PTPRT: variants seen among roughly 807,000 people sequenced by gnomAD.
The protein encoded by PTPRT is receptor-type tyrosine-protein phosphatase T.
A neutral mutation model predicts 176.8 loss-of-function variants in PTPRT; 56 were observed. The observed-to-expected ratio is 0.32, with a 90% confidence interval of 0.26 to 0.40. The LOEUF is 0.40. Among genes scored for constraint, PTPRT ranks in the 10% least tolerant of loss-of-function variants. The pLI, the probability that PTPRT is intolerant of heterozygous loss-of-function variation, is 1.00. For synonymous variants in PTPRT, 783 were observed against 739.0 expected (o/e 1.06, Z -0.96); for missense variants, 1,540 against 1,908.2 (o/e 0.81, Z 3.60).
intron 1 of PTPRT, among the ~76,000 whole-genome samples, chr20:42,991,484 C>T (rs1379762670): frequency 3.3e-5 from 5 of 151,590 alleles, no homozygotes; most frequent in African/African-American, 4.8e-5. Flanking sequence ...TGTATGATTC[C>T]ACTTCCATGA....
At chr20:43,127,103 A>G (rs1005557131) in intron 1 of PTPRT, among the ~76,000 whole-genome samples, 9 of 152,034 alleles carry the variant, frequency 5.9e-5, no homozygotes, top group Admixed American at 4.6e-4. Flanking sequence ...ATTCCTCCTA[A>G]TCCCTAAACA....
intron 15 of PTPRT, among the ~76,000 whole-genome samples, chr20:42,213,529 A>G (rs2055696230): frequency 6.6e-6 from 1 of 152,236 alleles, no homozygotes; most frequent in Non-Finnish European, 1.5e-5. Context: ...GTCCTAATCC[A>G]TAGTACCTGT....
intron 1 of PTPRT, among the ~76,000 whole-genome samples, chr20:43,074,069 T>C (rs1452400382): frequency 6.6e-6 from 1 of 152,174 alleles, no homozygotes; most frequent in Non-Finnish European, 1.5e-5. Context: ...GTGCTTTATA[T>C]ACAAACATAT....
rs540825235 is a variant in PTPRT, at chr20:42,791,131, G to A, written c.486+64C>T. 4.5e-5 allele frequency: 68 copies of A among 1,508,174 alleles called. No individual in the cohort carries two copies. The Middle Eastern group carries it at 1.8e-3, about 40-fold the overall frequency. The allele number at this position is 1,508,174 out of a possible 1,614,324, so 93.4% of individuals were successfully genotyped here. A position where few individuals can be genotyped will look rare whatever the true frequency, so the allele number is the denominator to read the frequency against. On this transcript the variant is annotated intron_variant, in intron 3 of 30. Coordinates refer to ENST00000373187, the MANE Select transcript of PTPRT (RefSeq NM_007050.6). ...CCTTTCTAGACCTAGCACCTGTAGG[G>A]AGAGCAAAGGTGTATAGATTTATTA...
chr20:42,690,541 A>G (rs914108350), intron 6 of PTPRT, among the ~76,000 whole-genome samples: 1 of 152,178 alleles, frequency 6.6e-6, no homozygotes, highest in Non-Finnish European at 1.5e-5. Flanking sequence ...CTAGTGTTCA[A>G]CATGCTGGGT....
intron 27 of PTPRT, among the ~76,000 whole-genome samples, chr20:42,086,751 A>ATATATAT (rs58059394): frequency 4.1e-5 from 4 of 96,564 alleles, no homozygotes; most frequent in South Asian, 3.7e-4. Context: ...AAAAAAAAAA[A>ATATATAT]AAATATATAT....
At chr20:43,167,432 A>G (rs576378542) in intron 1 of PTPRT, among the ~76,000 whole-genome samples, 1 of 148,728 alleles carries the variant, frequency 6.7e-6, no homozygotes, top group East Asian at 2.0e-4. Context: ...TGAATAATGC[A>G]AAAAAAAAGA....
chr20:42,354,892 G>A (rs964902554), intron 9 of PTPRT, among the ~76,000 whole-genome samples: 8 of 151,988 alleles, frequency 5.3e-5, no homozygotes, highest in African/African-American at 1.2e-4. Context: ...CAGAGTGTGC[G>A]CAGGAGGGAG....
intron 15 of PTPRT, among the ~76,000 whole-genome samples, chr20:42,225,554 T>C (rs1046581096): frequency 1.9e-4 from 29 of 152,196 alleles, no homozygotes; most frequent in Non-Finnish European, 7.3e-5. Context: ...GTTTTTTTCC[T>C]AGCATGCTAT....
intron 12 of PTPRT, among the ~76,000 whole-genome samples, chr20:42,297,765 G>A (rs574035855): frequency 2.6e-5 from 4 of 152,062 alleles, no homozygotes; most frequent in South Asian, 4.2e-4. Context: ...TCAAATTATC[G>A]GGACAAAAAT....
chr20:43,000,061 A>AGGAGGGAGGGAGGGAGGGAG (rs3030231), intron 1 of PTPRT, among the ~76,000 whole-genome samples: 24 of 81,928 alleles, frequency 2.9e-4, no homozygotes, highest in African/African-American at 1.3e-3. Context: ...GAAGAAGGGA[A>AGGAGGGAGGGAGGGAGGGAG]GGAGGGAGGG....
At position 42,077,598 on chromosome 20, in the gene PTPRT, G is replaced by C. The variant is rs138333404; in HGVS notation, c.*3281C>G. 156 of 218,800 alleles carry C rather than the reference G, an allele frequency of 7.1e-4. No individual in the cohort carries two copies. In the East Asian group the frequency reaches 9.1e-3, roughly 13 times the overall value. 13.6% of individuals were successfully genotyped at this position (218,800 alleles called of 1,614,324 possible). The stretch of plus-strand genomic sequence containing the variant: ...GAAAATGTTCAAATTCCTGGGCACT[G>C]GTGCCCCATCTCATCCAAGCCTTGC... On this transcript the variant is annotated 3_prime_UTR_variant, in exon 31 of 31. Transcript: ENST00000373187.
In PTPRT at chr20:42,678,003, A is replaced by G. The variant is rs139243249; in HGVS notation, c.1016T>C (p.Ile339Thr). The G allele has an allele frequency of 1.3e-4, 204 of 1,614,182 alleles. No homozygotes were observed. Among genetic ancestry groups the G allele is most frequent in the Admixed American group, 1.8e-4 (11 of 60,026 alleles). Reference sequence around the variant, plus strand: ...CAGCTTATAGTTGGGAGAGTCGACTATGTGGGTCTCTGCCCACGTGCCTGT... The same window carrying G: ...CAGCTTATAGTTGGGAGAGTCGACTGTGTGGGTCTCTGCCCACGTGCCTGT... ...TTTGTWAETH[I>T]VDSPNYKLWH... Residue 339 changes from isoleucine (I) to threonine (T), a missense_variant, in exon 7 of 31, where the codon ATA becomes ACA. Physicochemically the swap from Ile to Thr is moderately conservative, Grantham distance 89. This residue lies in a region of PTPRT where 273 missense variants were observed against 432.1 expected (regional missense o/e 0.63). Coordinates refer to ENST00000373187, the MANE Select transcript of PTPRT (RefSeq NM_007050.6).
At chr20:42,513,484 T>C (rs1206112728) in intron 7 of PTPRT, among the ~76,000 whole-genome samples, 1 of 152,184 alleles carries the variant, frequency 6.6e-6, no homozygotes, top group Non-Finnish European at 1.5e-5. Context: ...AGGTCTGATA[T>C]GTATTATTTT....
chr20:42,900,288 C>T (rs1267765766), intron 1 of PTPRT, among the ~76,000 whole-genome samples: 1 of 152,176 alleles, frequency 6.6e-6, no homozygotes, highest in Admixed American at 6.5e-5. Flanking sequence ...CCTTCCCATT[C>T]AGTCAGGTGT....
At chr20:42,946,808 C>G (rs73273618) in intron 1 of PTPRT, among the ~76,000 whole-genome samples, 1 of 152,060 alleles carries the variant, frequency 6.6e-6, no homozygotes, top group Admixed American at 6.5e-5. Context: ...CTTCAATCAC[C>G]GCACTGTTGA....
At chr20:42,874,100 C>T (rs776536615) in intron 2 of PTPRT, among the ~76,000 whole-genome samples, 3 of 152,154 alleles carry the variant, frequency 2.0e-5, no homozygotes, top group Non-Finnish European at 2.9e-5. Context: ...GAAGACATCG[C>T]CTAGCATCAG....
chr20:42,999,603 TGTG>T (rs1984422012), intron 1 of PTPRT, among the ~76,000 whole-genome samples: 1 of 142,540 alleles, frequency 7.0e-6, no homozygotes, highest in Non-Finnish European at 1.6e-5. Flanking sequence ...AAAAAAAACT[TGTG>T]GTTTTTTTTT....
chr20:42,626,434 CA>C (rs1182391027), intron 7 of PTPRT, among the ~76,000 whole-genome samples: 1 of 152,180 alleles, frequency 6.6e-6, no homozygotes, highest in Non-Finnish European at 1.5e-5. Flanking sequence ...CTGCCCTATT[CA>C]GTTGCATGTT....
Sources: gnomAD v4.1 joint callset for allele counts (sites outside exome capture counted in the v4.1 genomes callset) on GRCh38, gnomAD v4.1.1 for gene constraint, gnomAD v4.1.1 regional missense constraint, MANE v1.5 for transcripts, NCBI Gene and HGNC (gene_info 2026-07-23, HGNC 2026-07-21) for gene names.